Variants in GTF2I observed in about 807,000 individuals in gnomAD.
GTF2I encodes the protein general transcription factor II-I.
In GTF2I, 12 loss-of-function variants were observed where a neutral mutation model predicts 67.6. The ratio of observed to expected loss-of-function variants is 0.18; its 90% CI spans 0.11 to 0.29. The LOEUF is 0.29. GTF2I is among the 10% of genes least tolerant of loss of function. The pLI, the probability that GTF2I is intolerant of heterozygous loss-of-function variation, is 1.00. For synonymous variants in GTF2I, 149 were observed against 197.0 expected (o/e 0.76, Z 2.04); for missense variants, 271 against 580.1 (o/e 0.47, Z 5.47).
chr7:74,718,867 AT>A lies in GTF2I; in HGVS notation c.881-5del, dbSNP rs782292873. On this transcript the variant is annotated splice_polypyrimidine_tract_variant and intron_variant, in intron 11 of 34. Transcript: ENST00000573035. ...ATAATGAATGTCATTTTAGAATTTT[AT>A]TTTTTTCAAGATTCTACTCAACATG... is the stretch of plus-strand genomic sequence containing the variant. 4.9e-6 allele frequency: 7 copies of A among 1,439,312 alleles called. No individual in the cohort carries two copies. The highest frequency in any genetic ancestry group is 4.8e-6 in the Non-Finnish European group (5 of 1,044,762). The allele number at this position is 1,439,312 out of a possible 1,614,324, so 89.2% of individuals were successfully genotyped here.
At chr7:74,711,320 A>AT (rs143223135) in intron 9 of GTF2I, among the ~76,000 whole-genome samples, 2,327 of 152,328 alleles carry the variant, frequency 0.015, 29 homozygotes, top group Non-Finnish European at 0.024. Context: ...TAAAATAGCC[A>AT]TTTGTGTTCT....
chr7:74,695,838 C>T (rs1554398210), intron 3 of GTF2I, among the ~76,000 whole-genome samples: 1 of 152,070 alleles, frequency 6.6e-6, no homozygotes, highest in African/African-American at 2.4e-5. Flanking sequence ...CCACCAATAC[C>T]ATAAGCCCGC....
intron 8 of GTF2I, 59 bp downstream of exon 8, chr7:74,706,492 A>G: frequency 8.0e-7 from 1 of 1,245,204 alleles, no homozygotes; most frequent in Non-Finnish European, 1.2e-6. Context: ...TCCTTAGTGT[A>G]GAAGTTTATA....
At chr7:74,712,776 C>T (rs1360210966) in intron 9 of GTF2I, among the ~76,000 whole-genome samples, 1 of 151,266 alleles carries the variant, frequency 6.6e-6, no homozygotes, top group Admixed American at 6.6e-5. Flanking sequence ...CAATTCTCTG[C>T]CTCAGCTGGG....
chr7:74,661,706 T>C (rs1804514521), intron 1 of GTF2I, among the ~76,000 whole-genome samples: 1 of 120,964 alleles, frequency 8.3e-6, no homozygotes. Context: ...AAATAGATGT[T>C]AAAGAATGAA....
intron 9 of GTF2I, 30 bp from the exon 10 acceptor site, chr7:74,714,827 C>T: frequency 6.6e-7 from 1 of 1,521,876 alleles, no homozygotes; most frequent in Non-Finnish European, 9.0e-7. Flanking sequence ...GGGGGGATTA[C>T]TTTTGAAGTA....
intron 1 of GTF2I, among the ~76,000 whole-genome samples, chr7:74,660,256 C>G (rs1804354867): frequency 2.0e-5 from 3 of 150,726 alleles, no homozygotes; most frequent in African/African-American, 7.3e-5. Context: ...GTGGCGCGAT[C>G]TTCGCTCACT....
chr7:74,712,501 T>A (rs1791705819), intron 9 of GTF2I, among the ~76,000 whole-genome samples: 1 of 134,008 alleles, frequency 7.5e-6, no homozygotes. Flanking sequence ...TGTGTGTGTG[T>A]GTGTGTGTGT....
intron 6 of GTF2I, among the ~76,000 whole-genome samples, chr7:74,704,295 T>TATTTATTTATTTA (rs1554400658): frequency 3.3e-5 from 5 of 150,120 alleles, no homozygotes; most frequent in African/African-American, 1.2e-4. Context: ...TTTATTTATT[T>TATTTATTTATTTA]TTTTATTTAT....
intron 9 of GTF2I, 58 bp from the exon 10 acceptor site, chr7:74,714,799 A>AC: frequency 8.5e-7 from 1 of 1,171,782 alleles, no homozygotes; most frequent in Admixed American, 2.1e-5. Flanking sequence ...GACTAAAGTC[A>AC]CCCCACATTT....
chr7:74,700,685 G>C (rs782688528), intron 6 of GTF2I, 51 bp downstream of exon 6: 2 of 1,507,044 alleles, frequency 1.3e-6, no homozygotes, highest in African/African-American at 2.7e-5. Context: ...CGTTTTGCTA[G>C]ATTTTCATAC....
At chr7:74,703,469 T>C (rs1354631268) in intron 6 of GTF2I, among the ~76,000 whole-genome samples, 1 of 151,946 alleles carries the variant, frequency 6.6e-6, no homozygotes, top group Non-Finnish European at 1.5e-5. Flanking sequence ...AACCTCTGCC[T>C]CCCGGGTTCA....
chr7:74,700,928 CGTT>C (rs1409535461), intron 6 of GTF2I, among the ~76,000 whole-genome samples: 1 of 152,096 alleles, frequency 6.6e-6, no homozygotes, highest in Non-Finnish European at 1.5e-5. Flanking sequence ...CTCGGCAAGA[CGTT>C]GTTGGGCACA....
At chr7:74,705,099 G>A in intron 6 of GTF2I, 65 bp from the exon 7 acceptor site, 1 of 954,742 alleles carries the variant, frequency 1.0e-6, no homozygotes. Flanking sequence ...TATATTTAAA[G>A]CCTTTAGACA....
At chr7:74,670,546 A>C (rs1417333566) in intron 1 of GTF2I, among the ~76,000 whole-genome samples, 3 of 151,976 alleles carry the variant, frequency 2.0e-5, no homozygotes, top group Non-Finnish European at 4.4e-5. Flanking sequence ...AAAATACAAA[A>C]AATTAGCCAG....
At chr7:74,709,874 T>C (rs1328560231) in intron 8 of GTF2I, among the ~76,000 whole-genome samples, 1 of 152,042 alleles carries the variant, frequency 6.6e-6, no homozygotes. Context: ...GGTTTCACCA[T>C]GTTGGCCAGG....
intron 12 of GTF2I, among the ~76,000 whole-genome samples, chr7:74,725,207 AC>A (rs1793600785): frequency 6.6e-6 from 1 of 151,972 alleles, no homozygotes; most frequent in Non-Finnish European, 1.5e-5. Context: ...TTTTTTTCTT[AC>A]TTTCTCAAAA....
intron 11 of GTF2I, 148 bp downstream of exon 11, chr7:74,717,098 TA>T: frequency 9.0e-7 from 1 of 1,110,498 alleles, no homozygotes; most frequent in Non-Finnish European, 1.2e-6. Flanking sequence ...ATTATTTTTT[TA>T]AAAATTCTAA....
chr7:74,673,904 C>G (rs1805674625), intron 1 of GTF2I, among the ~76,000 whole-genome samples: 1 of 151,664 alleles, frequency 6.6e-6, no homozygotes, highest in Non-Finnish European at 1.5e-5. Context: ...TGGTCTAGAT[C>G]TCTTGACCTC....
Sources: gnomAD v4.1 joint callset for allele counts (sites outside exome capture counted in the v4.1 genomes callset) on GRCh38, gnomAD v4.1.1 for gene constraint, MANE v1.5 for transcripts, NCBI Gene and HGNC (gene_info 2026-07-23, HGNC 2026-07-21) for gene names.